The following MKNK2 variants were observed in gnomAD, a reference collection of about 807,000 sequenced individuals.
MKNK2 encodes the protein MAPK interacting serine/threonine kinase 2, also known as MAP kinase-interacting serine/threonine-protein kinase 2.
MKNK2 carries 54 observed loss-of-function variants against 55.0 expected under a neutral mutation model. That is an observed-to-expected ratio of 0.98 (90% CI 0.79 to 1.23). MKNK2 has a LOEUF of 1.23. MKNK2 is among the 50% of genes most tolerant of loss of function. The probability of loss-of-function intolerance (pLI) is 0.00; values close to 1 mark genes in which losing one functional copy is unlikely to be tolerated. For missense variants in MKNK2, 685 were observed against 632.1 expected (o/e 1.08, Z -0.90); for synonymous variants, 323 against 256.0 (o/e 1.26, Z -2.50).
chr19:2,043,316 C>G, intron 6 of MKNK2, 119 bp from the exon 7 acceptor site: 1 of 1,035,256 alleles, frequency 9.7e-7, no homozygotes. Context: ...GAAGCTGGGA[C>G]TGGGGCAATA....
Position 2,037,835 on chromosome 19 carries a change from G to GAAAAAAAA in MKNK2, c.*1770_*1777dup. On this transcript the variant is annotated 3_prime_UTR_variant, in exon 14 of 14. Coordinates refer to ENST00000250896, the MANE Select transcript of MKNK2 (RefSeq NM_199054.3). ...GGAGGAAGTGACTGTCCCACCTTCA[G>GAAAAAAAA]AAAAAAAAAAAAAAACAAACAAACA... 1.6e-6 allele frequency: 2 copies of GAAAAAAAA among 1,282,598 alleles called. No homozygotes were observed. Among genetic ancestry groups the GAAAAAAAA allele is most frequent in the South Asian group, 1.5e-5 (1 of 65,430 alleles). 79.5% of individuals were successfully genotyped at this position (1,282,598 alleles called of 1,614,324 possible).
rs1025532597 is a variant in MKNK2 at position 2,041,969 on chromosome 19, G to A, written c.816C>T (p.Tyr272=). 7 of 1,562,874 alleles carry A rather than the reference G, an allele frequency of 4.5e-6. No individual in the cohort carries two copies. The African/African-American group carries it at 6.8e-5, about 15-fold the overall frequency. Residue 272 remains tyrosine, a synonymous_variant, in exon 11 of 14, where the codon TAC becomes TAT. Transcript: ENST00000250896. ...VEAFSEEASI[Y]DKRCDLWSLG... ...GGCTCCACAGGTCGCAGCGCTTGTC[G>A]TAGATGCTAGCCTCCTCGCTGAAGG...
intron 5 of MKNK2, among the ~76,000 whole-genome samples, chr19:2,045,242 C>A (rs1475085229): frequency 3.3e-5 from 5 of 152,194 alleles, no homozygotes; most frequent in African/African-American, 9.7e-5. Context: ...CCAGAGGCCA[C>A]ACAGCATGAG....
At chr19:2,043,007 G>A in intron 7 of MKNK2, 117 bp downstream of exon 7, 1 of 1,291,302 alleles carries the variant, frequency 7.7e-7, no homozygotes, top group Non-Finnish European at 1.1e-6. Context: ...TCACCCCTGA[G>A]CCACCATTTG....
At position 2,050,835 on chromosome 19, in the gene MKNK2, G is replaced by T; in HGVS notation, c.17C>A (p.Pro6Gln). 6.5e-7 allele frequency: 1 copy of T among 1,537,196 alleles called. No individual in the cohort carries two copies. ...ACGGTGGAAACCCTGAAGTTCGGCT[G>T]GTTTCTTCTGCACCATCTTCTGTCC... MVQKK[P>Q]AELQGFHRSF... The change falls in exon 2 of 14, where the codon CCA becomes CAA. Residue 6 changes from proline to glutamine, a missense_variant. Physicochemically the swap from Pro to Gln is moderately conservative, Grantham distance 76. Coordinates refer to ENST00000250896, the MANE Select transcript of MKNK2 (RefSeq NM_199054.3).
Position 2,043,199 on chromosome 19 carries a change from TGGGGTG to T in MKNK2, c.420-8_420-3del. ...AACTCAATCAGCTCTAGGACGTTCCTGGGGTGGGGGTGGGGGCAGGAGAGGAGCTGA... is the reference window on the plus strand; with the variant it reads ...AACTCAATCAGCTCTAGGACGTTCCTGGGGTGGGGGCAGGAGAGGAGCTGA... On this transcript the variant is annotated splice_polypyrimidine_tract_variant and splice_region_variant and intron_variant, in intron 6 of 13. Transcript: ENST00000250896. 20 of 1,065,424 alleles carry T rather than the reference TGGGGTG, an allele frequency of 1.9e-5. No individual in the cohort carries two copies. Among genetic ancestry groups the T allele is most frequent in the South Asian group, 3.9e-5 (3 of 77,332 alleles). 66.0% of individuals were successfully genotyped at this position (1,065,424 alleles called of 1,614,324 possible). A position where few individuals can be genotyped will look rare whatever the true frequency, so the allele number is the denominator to read the frequency against.
At chr19:2,041,226 G>C (rs138297789) in intron 11 of MKNK2, 22 bp from the exon 12 acceptor site, 3 of 1,602,140 alleles carry the variant, frequency 1.9e-6, no homozygotes, top group African/African-American at 1.3e-5. Flanking sequence ...GAACACAGGG[G>C]AGCTTAGACC....
At chr19:2,046,503 A>G (rs1236066354) in intron 3 of MKNK2, 35 bp from the exon 4 acceptor site, 5 of 1,591,972 alleles carry the variant, frequency 3.1e-6, no homozygotes, top group Non-Finnish European at 3.4e-6. Flanking sequence ...GGCTCAGGAC[A>G]TGGCCCTGGC....
chr19:2,039,500 G>A lies in MKNK2; in HGVS notation c.*113C>T. The A allele has an allele frequency of 2.1e-6, 3 of 1,447,488 alleles. No individual in the cohort carries two copies. The highest frequency in any genetic ancestry group is 2.7e-6 in the Non-Finnish European group (3 of 1,099,546). 89.7% of individuals were successfully genotyped at this position (1,447,488 alleles called of 1,614,324 possible). A position where few individuals can be genotyped will look rare whatever the true frequency, so the allele number is the denominator to read the frequency against. On this transcript the variant is annotated 3_prime_UTR_variant, in exon 14 of 14. Coordinates refer to ENST00000250896, the MANE Select transcript of MKNK2 (RefSeq NM_199054.3). ...CCCCCTCAGCTGAGCTTAGTGCCTG[G>A]GAATCCAGGCAGAGGAGGGGCAGCC...
chr19:2,043,310 C>T, intron 6 of MKNK2, 113 bp from the exon 7 acceptor site: 1 of 1,052,112 alleles, frequency 9.5e-7, no homozygotes, highest in South Asian at 1.3e-5. Context: ...CCACCGGAAG[C>T]TGGGACTGGG....
intron 11 of MKNK2, among the ~76,000 whole-genome samples, chr19:2,041,455 C>T (rs896462681): frequency 2.6e-5 from 4 of 152,132 alleles, no homozygotes; most frequent in African/African-American, 4.8e-5. Flanking sequence ...CCTTAAGCCG[C>T]GGGCAGGGAG....
At chr19:2,048,805 C>G (rs1465372720) in intron 2 of MKNK2, among the ~76,000 whole-genome samples, 2 of 152,060 alleles carry the variant, frequency 1.3e-5, no homozygotes, top group African/African-American at 4.8e-5. Context: ...AAGGGGGGGG[C>G]TCCAACTAGC....
chr19:2,050,706 C>T (rs992459841), intron 2 of MKNK2, 95 bp downstream of exon 2: 2 of 1,242,616 alleles, frequency 1.6e-6, no homozygotes, highest in Non-Finnish European at 2.2e-6. Context: ...GGCACGAGCC[C>T]CGGGAGCCGA....
intron 5 of MKNK2, 66 bp downstream of exon 5, chr19:2,046,116 ACACT>A: frequency 6.9e-7 from 1 of 1,458,556 alleles, no homozygotes; most frequent in Non-Finnish European, 9.5e-7. Flanking sequence ...GGAATGCCAC[ACACT>A]GTTTCCACCC....
In MKNK2 at chr19:2,038,644, A is replaced by G; in HGVS notation, c.*969T>C. 2.0e-6 allele frequency: 2 copies of G among 985,440 alleles called. No homozygotes were observed. Among genetic ancestry groups the G allele is most frequent in the Non-Finnish European group, 2.4e-6 (2 of 829,966 alleles). 61.0% of individuals were successfully genotyped at this position (985,440 alleles called of 1,614,324 possible). ...CTAAGGACAAGGACGGAGCTGACGG[A>G]GCTTCCAGGTCAGGCCCGAGGGGCG... On this transcript the variant is annotated 3_prime_UTR_variant, in exon 14 of 14. Coordinates refer to ENST00000250896, the MANE Select transcript of MKNK2 (RefSeq NM_199054.3).
Position 2,039,785 on chromosome 19 carries a change from T to G in MKNK2, c.1226A>C (p.His409Pro), listed in dbSNP as rs1568234641. The change falls in exon 14 of 14, where the codon CAC (histidine) becomes CCC (proline). Residue 409 changes from histidine to proline, a missense_variant. His to Pro is a moderately conservative substitution (Grantham distance 77). Transcript: ENST00000250896. ...CTCCTCCTCAGCCAGGTCCTCGTCG[T>G]GCTGGGCCAGCTGCCGGTTCATGGC... ...AIAMNRQLAQ[H>P]DEDLAEEEAA... 1.2e-6 allele frequency: 2 copies of G among 1,607,358 alleles called. No homozygotes were observed. The highest frequency in any genetic ancestry group is 1.7e-6 in the Non-Finnish European group (2 of 1,179,476).
intron 2 of MKNK2, among the ~76,000 whole-genome samples, chr19:2,047,497 C>T (rs1198714416): frequency 2.6e-5 from 4 of 152,160 alleles, no homozygotes; most frequent in African/African-American, 9.7e-5. Context: ...GGGCCCAAGC[C>T]GTGTCTTGCA....
intron 11 of MKNK2, 102 bp downstream of exon 11, chr19:2,041,738 C>T (rs985183094): frequency 1.3e-5 from 13 of 1,007,692 alleles, no homozygotes; most frequent in Non-Finnish European, 1.7e-5. Flanking sequence ...GTCCCCTGGA[C>T]TTAGAGGGTG....
chr19:2,040,901 C>A, intron 12 of MKNK2, 139 bp downstream of exon 12: 1 of 877,356 alleles, frequency 1.1e-6, no homozygotes, highest in South Asian at 1.6e-5. Flanking sequence ...ACCCCTCATC[C>A]CAGGGCAGAG....
Sources: allele counts gnomAD v4.1 joint callset (sites outside exome capture counted in the v4.1 genomes callset), GRCh38; gene constraint gnomAD v4.1.1; transcripts MANE v1.5; gene names NCBI Gene and HGNC (gene_info 2026-07-23, HGNC 2026-07-21).